AGBL4: variants seen among roughly 807,000 people sequenced by gnomAD.
AGBL4 encodes AGBL carboxypeptidase 4, also known as cytosolic carboxypeptidase 6.
In AGBL4, 58 loss-of-function variants were observed where a neutral mutation model predicts 66.4. That is an observed-to-expected ratio of 0.87 (90% CI 0.71 to 1.09). The LOEUF (loss-of-function observed/expected upper bound fraction) is 1.09, where lower values mean the gene tolerates loss of function less well. AGBL4 is among the 50% of genes least tolerant of loss of function. The pLI is 0.00. For synonymous variants in AGBL4, 234 were observed against 222.9 expected (o/e 1.05, Z -0.44); for missense variants, 579 against 631.0 (o/e 0.92, Z 0.88).
intron 3 of AGBL4, among the ~76,000 whole-genome samples, chr1:49,335,670 C>T (rs992763764): frequency 6.6e-6 from 1 of 152,094 alleles, no homozygotes; most frequent in Non-Finnish European, 1.5e-5. Context: ...CACCCGCCAC[C>T]ACACCCGGCT....
chr1:49,487,115 A>G (rs1465284320), intron 3 of AGBL4, among the ~76,000 whole-genome samples: 2 of 152,096 alleles, frequency 1.3e-5, no homozygotes, highest in Middle Eastern at 3.4e-3. Flanking sequence ...GTGAAGTACA[A>G]CGAAGATTTG....
At chr1:48,550,375 G>A (rs955333372) in intron 11 of AGBL4, among the ~76,000 whole-genome samples, 1 of 152,032 alleles carries the variant, frequency 6.6e-6, no homozygotes, top group Non-Finnish European at 1.5e-5. Context: ...GGCATTCCTT[G>A]CTTTGTGATC....
At chr1:48,843,743 T>G (rs1646854930) in intron 6 of AGBL4, among the ~76,000 whole-genome samples, 2 of 152,060 alleles carry the variant, frequency 1.3e-5, no homozygotes, top group Admixed American at 1.3e-4. Context: ...TAGTATAAAC[T>G]TCTCATTCTA....
At chr1:49,145,938 G>T (rs1039488186) in intron 4 of AGBL4, among the ~76,000 whole-genome samples, 2 of 152,148 alleles carry the variant, frequency 1.3e-5, no homozygotes, top group African/African-American at 4.8e-5. Context: ...AAAAGAATGA[G>T]ATCTTGTCAT....
At chr1:49,624,239 G>C (rs1045127551) in intron 3 of AGBL4, among the ~76,000 whole-genome samples, 4 of 151,974 alleles carry the variant, frequency 2.6e-5, no homozygotes, top group Non-Finnish European at 5.9e-5. Context: ...AGGTAATTGT[G>C]GTTACTGTAT....
At chr1:48,692,979 T>G (rs1646657468) in intron 6 of AGBL4, among the ~76,000 whole-genome samples, 1 of 152,130 alleles carries the variant, frequency 6.6e-6, no homozygotes, top group Non-Finnish European at 1.5e-5. Flanking sequence ...CCAGGAAGAG[T>G]AAGAACTCTT....
chr1:48,606,460 C>T (rs919790958), intron 9 of AGBL4, among the ~76,000 whole-genome samples: 20 of 152,060 alleles, frequency 1.3e-4, no homozygotes, highest in African/African-American at 4.3e-4. Context: ...AATAAAGTCT[C>T]GGTTTCTATG....
intron 3 of AGBL4, among the ~76,000 whole-genome samples, chr1:49,268,717 T>C (rs914245401): frequency 2.0e-5 from 3 of 152,202 alleles, no homozygotes; most frequent in African/African-American, 7.2e-5. Context: ...GCTTTTGTTA[T>C]CATTTTATAA....
intron 9 of AGBL4, among the ~76,000 whole-genome samples, chr1:48,617,124 C>A (rs368545833): frequency 2.0e-5 from 3 of 152,140 alleles, no homozygotes; most frequent in South Asian, 4.2e-4. Flanking sequence ...TAGAAAGCAA[C>A]CATTGCACAG....
intron 1 of AGBL4, among the ~76,000 whole-genome samples, chr1:50,013,921 A>T (rs1661737840): frequency 6.6e-6 from 1 of 152,228 alleles, no homozygotes; most frequent in African/African-American, 2.4e-5. Flanking sequence ...CTATTTGATA[A>T]AGGACTAGTA....
chr1:49,912,581 G>A (rs1424398389), intron 1 of AGBL4, among the ~76,000 whole-genome samples: 1 of 152,244 alleles, frequency 6.6e-6, no homozygotes, highest in East Asian at 1.9e-4. Flanking sequence ...ATTTGTTCTT[G>A]TCTCACAGGA....
chr1:49,657,009 C>A (rs1310490823), intron 3 of AGBL4, among the ~76,000 whole-genome samples: 1 of 152,024 alleles, frequency 6.6e-6, no homozygotes, highest in Non-Finnish European at 1.5e-5. Flanking sequence ...CTGGCCAGAG[C>A]AATCAGACAG....
intron 5 of AGBL4, among the ~76,000 whole-genome samples, chr1:49,044,278 G>A (rs949102716): frequency 4.0e-5 from 6 of 151,842 alleles, no homozygotes; most frequent in Admixed American, 6.6e-5. Flanking sequence ...CGGGTGGATC[G>A]CCTGAGGTCA....
intron 6 of AGBL4, among the ~76,000 whole-genome samples, chr1:48,674,062 C>T (rs1170516006): frequency 2.6e-5 from 4 of 152,158 alleles, no homozygotes; most frequent in Non-Finnish European, 4.4e-5. Flanking sequence ...TGTCCCCTGC[C>T]CACCTCCCAC....
intron 1 of AGBL4, among the ~76,000 whole-genome samples, chr1:49,890,463 GA>G (rs553130998): frequency 5.4e-4 from 82 of 150,912 alleles, no homozygotes; most frequent in Non-Finnish European, 1.1e-3. Context: ...ACATGGAGGA[GA>G]AAAAAAAAGT....
chr1:49,618,587 A>T (rs1645295908), intron 3 of AGBL4, among the ~76,000 whole-genome samples: 1 of 152,218 alleles, frequency 6.6e-6, no homozygotes, highest in South Asian at 2.1e-4. Context: ...AAACAATAGA[A>T]AAAGAGGGAT....
At chr1:48,665,401 C>T (rs926562082) in intron 6 of AGBL4, among the ~76,000 whole-genome samples, 2 of 152,108 alleles carry the variant, frequency 1.3e-5, no homozygotes, top group Non-Finnish European at 2.9e-5. Context: ...CGAGGACTGG[C>T]TATTGAATTA....
At chr1:48,776,681 G>A (rs551667835) in intron 6 of AGBL4, 2 of 1,511,918 alleles carry the variant, frequency 1.3e-6, no homozygotes, top group African/African-American at 2.9e-5. Context: ...GGGCTCTCGG[G>A]CCCGGCGCCC....
At chr1:49,375,352 A>G (rs1258087612) in intron 3 of AGBL4, among the ~76,000 whole-genome samples, 3 of 152,068 alleles carry the variant, frequency 2.0e-5, no homozygotes, top group African/African-American at 7.2e-5. Flanking sequence ...CTGCCTGTCA[A>G]CTGGATAAAT....
Sources: gnomAD v4.1 joint callset for allele counts (sites outside exome capture counted in the v4.1 genomes callset) on GRCh38, gnomAD v4.1.1 for gene constraint, MANE v1.5 for transcripts, NCBI Gene and HGNC (gene_info 2026-07-23, HGNC 2026-07-21) for gene names.